CCDC192: variants seen among roughly 807,000 people sequenced by gnomAD.
The protein encoded by CCDC192 is coiled-coil domain containing 192.
chr5:127,891,496 G>T (rs749948425), intron 6 of CCDC192, among the ~76,000 whole-genome samples: 2 of 138,806 alleles, frequency 1.4e-5, no homozygotes, highest in African/African-American at 2.8e-5. Flanking sequence ...GTGGAAGAAG[G>T]GTCCCTCCTC....
chr5:127,745,654 A>T (rs954426112), intron 2 of CCDC192, among the ~76,000 whole-genome samples: 1 of 152,202 alleles, frequency 6.6e-6, no homozygotes, highest in Non-Finnish European at 1.5e-5. Context: ...AATTGTTGGA[A>T]TTTACCATTT....
intron 6 of CCDC192, among the ~76,000 whole-genome samples, chr5:127,918,621 T>C (rs1753599045): frequency 6.6e-6 from 1 of 152,224 alleles, no homozygotes; most frequent in Non-Finnish European, 1.5e-5. Context: ...ACTTTTCTCT[T>C]GGTTAATGTT....
chr5:127,898,916 C>T (rs868449472), intron 6 of CCDC192, among the ~76,000 whole-genome samples: 71 of 152,192 alleles, frequency 4.7e-4, no homozygotes, highest in Non-Finnish European at 4.9e-4. Flanking sequence ...CAGATTTTCA[C>T]TGTGAACAAG....
At chr5:127,896,673 T>C (rs1447100410) in intron 6 of CCDC192, among the ~76,000 whole-genome samples, 1 of 152,200 alleles carries the variant, frequency 6.6e-6, no homozygotes, top group Non-Finnish European at 1.5e-5. Flanking sequence ...CTCGAACTCC[T>C]GACCTCAGAT....
In CCDC192 at chr5:127,924,712, C is replaced by A. The variant is rs2127194169; in HGVS notation, c.536-16470C>A. 1.3e-5 allele frequency among the ~76,000 whole-genome samples: 2 copies of A among 152,270 alleles called. 1 individual carries two copies. Among genetic ancestry groups the A allele is most frequent in the East Asian group, 3.9e-4 (2 of 5,184 alleles). ...GAAAAGTGGCCTGCATGTTTCAGAC[C>A]TGTCTGAACAATGGATAGGTGCTGT... On this transcript the variant is annotated intron_variant, in intron 6 of 6. Coordinates refer to ENST00000514853, the MANE Select transcript of CCDC192 (RefSeq NM_001317938.2).
intron 5 of CCDC192, among the ~76,000 whole-genome samples, chr5:127,861,028 G>C (rs552231895): frequency 6.6e-6 from 1 of 151,792 alleles, no homozygotes; most frequent in South Asian, 2.1e-4. Context: ...TTTTTTTGTG[G>C]ACAGAGTTTT....
At chr5:127,853,512 C>A (rs1424055418) in intron 5 of CCDC192, among the ~76,000 whole-genome samples, 1 of 152,122 alleles carries the variant, frequency 6.6e-6, no homozygotes, top group Non-Finnish European at 1.5e-5. Flanking sequence ...GTGGCTCATG[C>A]CTGTAATCCC....
intron 6 of CCDC192, among the ~76,000 whole-genome samples, chr5:127,931,415 A>G (rs181628838): frequency 3.7e-4 from 56 of 152,274 alleles, no homozygotes; most frequent in African/African-American, 1.3e-3. Flanking sequence ...GGTTGCAAGG[A>G]CCATGGATGC....
chr5:127,777,181 A>C (rs1256494562), intron 3 of CCDC192, among the ~76,000 whole-genome samples: 1 of 152,236 alleles, frequency 6.6e-6, no homozygotes, highest in Non-Finnish European at 1.5e-5. Context: ...TGTATCCTGC[A>C]AAGCCACAGC....
chr5:127,792,915 G>A (rs1467916303), intron 3 of CCDC192, among the ~76,000 whole-genome samples: 1 of 152,086 alleles, frequency 6.6e-6, no homozygotes, highest in African/African-American at 2.4e-5. Context: ...TTCACTAGAA[G>A]GGTTCAATAG....
chr5:127,720,170 T>G (rs866780949), intron 2 of CCDC192, among the ~76,000 whole-genome samples: 1 of 152,204 alleles, frequency 6.6e-6, no homozygotes, highest in Non-Finnish European at 1.5e-5. Context: ...CCCTTCTGCC[T>G]ATGAGTATGT....
At chr5:127,721,001 A>G (rs1020090350) in intron 2 of CCDC192, among the ~76,000 whole-genome samples, 1 of 152,218 alleles carries the variant, frequency 6.6e-6, no homozygotes, top group Non-Finnish European at 1.5e-5. Context: ...AGGGACTGAC[A>G]TGAAGTTCTC....
At chr5:127,733,287 T>C (rs1207734612) in intron 2 of CCDC192, among the ~76,000 whole-genome samples, 3 of 152,128 alleles carry the variant, frequency 2.0e-5, no homozygotes, top group Non-Finnish European at 4.4e-5. Context: ...CATAGGAACA[T>C]AAAACCTACA....
intron 5 of CCDC192, among the ~76,000 whole-genome samples, chr5:127,872,727 G>A (rs1751913698): frequency 6.6e-6 from 1 of 152,104 alleles, no homozygotes; most frequent in Non-Finnish European, 1.5e-5. Context: ...TCTACCCATT[G>A]TTCTTCATGT....
chr5:127,836,863 A>G lies in CCDC192; in HGVS notation c.412-38675A>G, dbSNP rs529018662. On this transcript the variant is annotated intron_variant, in intron 5 of 6. Transcript: ENST00000514853. Reference sequence around the variant, plus strand: ...AGGGGCTGCTATGAAGGTCTCTGACATGCCCTGGAGACATTTTCCCCATTG... The same window carrying G: ...AGGGGCTGCTATGAAGGTCTCTGACGTGCCCTGGAGACATTTTCCCCATTG... 4.9e-4 allele frequency among the ~76,000 whole-genome samples: 40 copies of G among 81,818 alleles called. 16 individuals carry two copies. Among genetic ancestry groups the G allele is most frequent in the Non-Finnish European group, 1.0e-3 (35 of 34,150 alleles). The allele number at this position is 81,818 out of a possible 152,430, so 53.7% of individuals were successfully genotyped here. A position where few individuals can be genotyped will look rare whatever the true frequency, so the allele number is the denominator to read the frequency against.
chr5:127,704,979 A>G (rs775075464), intron 1 of CCDC192, among the ~76,000 whole-genome samples: 6 of 152,156 alleles, frequency 3.9e-5, no homozygotes, highest in Non-Finnish European at 7.3e-5. Flanking sequence ...CATTTCATTT[A>G]AAGGAAGGAA....
At chr5:127,788,380 C>A (rs761237064) in intron 3 of CCDC192, among the ~76,000 whole-genome samples, 17 of 152,022 alleles carry the variant, frequency 1.1e-4, no homozygotes, top group Non-Finnish European at 2.1e-4. Context: ...CATCTTTTTT[C>A]ATTCTTTTAC....
chr5:127,707,652 G>A (rs891077794), intron 1 of CCDC192, 57 bp from the exon 2 acceptor site: 2 of 397,444 alleles, frequency 5.0e-6, no homozygotes, highest in Non-Finnish European at 8.9e-6. Context: ...GGGTGTGTGT[G>A]CGCACATGAG....
chr5:127,883,381 G>A (rs1028588939), intron 6 of CCDC192, among the ~76,000 whole-genome samples: 1 of 152,180 alleles, frequency 6.6e-6, no homozygotes, highest in African/African-American at 2.4e-5. Context: ...GAGCATAGGA[G>A]TGATCAGTTA....
Sources: gnomAD v4.1 joint callset for allele counts (sites outside exome capture counted in the v4.1 genomes callset) on GRCh38, gnomAD v4.1.1 for gene constraint, MANE v1.5 for transcripts, NCBI Gene and HGNC (gene_info 2026-07-23, HGNC 2026-07-21) for gene names.